Variants in ZFHX3 observed in about 807,000 individuals in gnomAD.
ZFHX3 encodes the protein zinc finger homeobox 3.
Under a neutral mutation model 279.1 loss-of-function variants are expected in ZFHX3, and 42 were observed. The ratio of observed to expected loss-of-function variants is 0.15; its 90% CI spans 0.12 to 0.19. The LOEUF (loss-of-function observed/expected upper bound fraction) is 0.19. Among genes scored for constraint, ZFHX3 ranks in the 10% least tolerant of loss-of-function variants. The pLI, the probability that ZFHX3 is intolerant of heterozygous loss-of-function variation, is 1.00. For missense variants in ZFHX3, 4,981 were observed against 4,754.0 expected (o/e 1.05, Z -1.40); for synonymous variants, 2,293 against 1,957.8 (o/e 1.17, Z -4.52).
chr16:73,872,246 T>G (rs959902820), intron 1 of ZFHX3, among the ~76,000 whole-genome samples: 1 of 139,440 alleles, frequency 7.2e-6, no homozygotes, highest in Non-Finnish European at 1.5e-5. Context: ...GACATCCCTG[T>G]TTTTTTTTTT....
chr16:73,564,388 C>T (rs529491736), intron 2 of ZFHX3, among the ~76,000 whole-genome samples: 71 of 152,338 alleles, frequency 4.7e-4, no homozygotes, highest in African/African-American at 1.7e-3. Flanking sequence ...ATGCTAGCCC[C>T]TGCTTCATCT....
At chr16:73,451,129 T>G (rs1005051961) in intron 3 of ZFHX3, among the ~76,000 whole-genome samples, 6 of 152,172 alleles carry the variant, frequency 3.9e-5, no homozygotes, top group African/African-American at 1.4e-4. Flanking sequence ...GCTGCCTCAG[T>G]GGGTGAGATG....
chr16:73,591,809 T>A (rs2052002449), intron 2 of ZFHX3, among the ~76,000 whole-genome samples: 1 of 76,670 alleles, frequency 1.3e-5, no homozygotes, highest in Non-Finnish European at 2.8e-5. Flanking sequence ...TGGATCTTGA[T>A]TCAAGGAAAT....
At chr16:73,391,291 C>T (rs577170747) in intron 3 of ZFHX3, among the ~76,000 whole-genome samples, 1 of 152,030 alleles carries the variant, frequency 6.6e-6, no homozygotes, top group African/African-American at 2.4e-5. Context: ...GGTGAAACCC[C>T]GTGTCTACTA....
rs533271364 is a variant in ZFHX3 at position 73,801,668 on chromosome 16, G to A, written c.-1608+89983C>T. ...CCAGACCCTCTTCTTCCTCTAAAGC[G>A]TGGCTCTGAATTACCTTTACAAATT... On this transcript the variant is annotated intron_variant, in intron 1 of 17. Coordinates refer to the ZFHX3 transcript ENST00000641206. Among the ~76,000 whole-genome samples the A allele has an allele frequency of 8.5e-5, 13 of 152,248 alleles. No homozygotes were observed. In the South Asian group the frequency reaches 2.3e-3, roughly 27 times the overall value.
chr16:73,354,661 T>C (rs559868443), intron 3 of ZFHX3, among the ~76,000 whole-genome samples: 139 of 152,226 alleles, frequency 9.1e-4, no homozygotes, highest in African/African-American at 3.2e-3. Context: ...TTTCCCGCTT[T>C]CAGTGTGCAC....
chr16:73,273,321 C>T (rs953231128), intron 4 of ZFHX3, among the ~76,000 whole-genome samples: 1 of 151,856 alleles, frequency 6.6e-6, no homozygotes, highest in Non-Finnish European at 1.5e-5. Flanking sequence ...AACCAAAAAC[C>T]TACAATCAAA....
chr16:73,424,146 T>C (rs978344476), intron 3 of ZFHX3, among the ~76,000 whole-genome samples: 6 of 152,158 alleles, frequency 3.9e-5, no homozygotes, highest in Non-Finnish European at 8.8e-5. Flanking sequence ...TTTAAGCCAC[T>C]TTGAAACAGA....
At chr16:73,493,985 G>A (rs1277605968) in intron 2 of ZFHX3, among the ~76,000 whole-genome samples, 1 of 152,042 alleles carries the variant, frequency 6.6e-6, no homozygotes, top group Non-Finnish European at 1.5e-5. Flanking sequence ...CCCCAGAGTG[G>A]CTTCTTTCTT....
intron 4 of ZFHX3, among the ~76,000 whole-genome samples, chr16:73,299,576 T>C (rs1597270848): frequency 6.6e-6 from 1 of 152,064 alleles, no homozygotes; most frequent in Admixed American, 6.6e-5. Flanking sequence ...CCTGAGTCTC[T>C]GGAAAAGTAA....
chr16:73,090,057 C>A (rs1353992809), intron 8 of ZFHX3, among the ~76,000 whole-genome samples: 1 of 152,184 alleles, frequency 6.6e-6, no homozygotes, highest in Non-Finnish European at 1.5e-5. Flanking sequence ...ACTTTTTTTC[C>A]TAATCCGTGC....
At chr16:72,791,854 A>T (rs2035716477) in intron 9 of ZFHX3, among the ~76,000 whole-genome samples, 1 of 152,228 alleles carries the variant, frequency 6.6e-6, no homozygotes, top group Non-Finnish European at 1.5e-5. Flanking sequence ...CCAGGAATGC[A>T]GTGGCCTTAT....
rs947620276 is a variant in ZFHX3, at chr16:72,785,664, C to G, written c.*1500G>C. ...TTTTTCTGAGAGAGGAAAGAAAAAA[C>G]AAACACAAAACCAAAAACCAAATCC... is the stretch of plus-strand genomic sequence containing the variant. On this transcript the variant is annotated 3_prime_UTR_variant, in exon 10 of 10. Coordinates refer to ENST00000268489, the MANE Select transcript of ZFHX3 (RefSeq NM_006885.4). 6.0e-5 allele frequency: 9 copies of G among 150,536 alleles called. No individual in the cohort carries two copies. Among genetic ancestry groups the G allele is most frequent in the Admixed American group, 4.6e-4 (7 of 15,118 alleles). The allele number at this position is 150,536 out of a possible 1,614,324, so 9.3% of individuals were successfully genotyped here.
Position 73,121,539 on chromosome 16 carries a change from C to G in ZFHX3, c.-897+9429G>C, listed in dbSNP as rs1047282726. ...AGTTTTCCCAATCACTCAGGCTAGG[C>G]ACAGTGGCCTTCTAACATCTTTCAT... On this transcript the variant is annotated intron_variant, in intron 7 of 17. Transcript: ENST00000641206. Among the ~76,000 whole-genome samples the G allele has an allele frequency of 7.9e-5, 12 of 152,240 alleles. 1 individual carries two copies. The highest frequency in any genetic ancestry group is 2.6e-4 in the Admixed American group (4 of 15,274).
intron 3 of ZFHX3, among the ~76,000 whole-genome samples, chr16:72,890,669 C>G (rs1205007076): frequency 6.6e-6 from 1 of 152,232 alleles, no homozygotes; most frequent in Non-Finnish European, 1.5e-5. Flanking sequence ...ACCGGCTTTC[C>G]TGGCACAAGG....
At chr16:73,678,818 A>G (rs1426318380) in intron 2 of ZFHX3, among the ~76,000 whole-genome samples, 1 of 152,202 alleles carries the variant, frequency 6.6e-6, no homozygotes, top group East Asian at 1.9e-4. Flanking sequence ...CTGCAAAATC[A>G]GTCCATACCA....
intron 4 of ZFHX3, among the ~76,000 whole-genome samples, chr16:72,845,925 C>G (rs1052493966): frequency 3.3e-5 from 5 of 152,274 alleles, no homozygotes; most frequent in African/African-American, 1.2e-4. Context: ...CAGCTGATGC[C>G]AAGGACCATA....
chr16:72,894,814 C>T (rs2038857813), intron 3 of ZFHX3, among the ~76,000 whole-genome samples: 1 of 152,196 alleles, frequency 6.6e-6, no homozygotes, highest in South Asian at 2.1e-4. Context: ...AATTTTTCTC[C>T]CACGCAAATC....
chr16:73,070,720 C>T (rs1965811993), intron 8 of ZFHX3, among the ~76,000 whole-genome samples: 1 of 151,572 alleles, frequency 6.6e-6, no homozygotes, highest in Non-Finnish European at 1.5e-5. Context: ...GTCTCTCTCT[C>T]TCTCTCTCTC....
Sources: gnomAD v4.1 joint callset for allele counts (sites outside exome capture counted in the v4.1 genomes callset) on GRCh38, gnomAD v4.1.1 for gene constraint, MANE v1.5 for transcripts, NCBI Gene and HGNC (gene_info 2026-07-23, HGNC 2026-07-21) for gene names.